GANC: variants seen among roughly 807,000 people sequenced by gnomAD.
The protein encoded by GANC is neutral alpha-glucosidase C.
In GANC, 117 loss-of-function variants were observed where a neutral mutation model predicts 124.2. The observed-to-expected ratio is 0.94, with a 90% confidence interval of 0.81 to 1.10. The LOEUF (loss-of-function observed/expected upper bound fraction) is 1.10. GANC is among the 50% of genes least tolerant of loss of function. The pLI is 0.00. For synonymous variants in GANC, 377 were observed against 376.8 expected (o/e 1.00, Z -0.01); for missense variants, 1,140 against 1,095.0 (o/e 1.04, Z -0.58).
Position 42,287,730 on chromosome 15 carries a change from A to G in GANC, c.241A>G (p.Ile81Val). 2 of 1,613,104 alleles carry G rather than the reference A, an allele frequency of 1.2e-6. No homozygotes were observed. The highest frequency in any genetic ancestry group is 1.7e-4 in the Middle Eastern group (1 of 6,054). ...LAEIYGIEGN[I>V]FRLKINEETP... ...TGAAATTTATGGTATAGAAGGAAAC[A>G]TTTTCAGGCTTAAAATTAATGAAGA... Residue 81 changes from isoleucine (I) to valine (V), a missense_variant, in exon 4 of 24, where the codon ATT (isoleucine) becomes GTT (valine). Ile to Val is a conservative substitution (Grantham distance 29, BLOSUM62 3). Coordinates refer to ENST00000318010, the MANE Select transcript of GANC (RefSeq NM_198141.3).
chr15:42,301,382 C>G (rs1216483474), intron 6 of GANC, among the ~76,000 whole-genome samples: 1 of 152,196 alleles, frequency 6.6e-6, no homozygotes, highest in African/African-American at 2.4e-5. Context: ...AGGAGATTCC[C>G]TCAGGTGCCT....
rs140525443 is a variant in GANC, at chr15:42,307,760, C to A, written c.626-462C>A. ...CCTGGTGCCCTTGACATTTGCATTCCCTGTAGGTAGTCACAGACGAGGCTG... is the reference window on the plus strand; with the variant it reads ...CCTGGTGCCCTTGACATTTGCATTCACTGTAGGTAGTCACAGACGAGGCTG... On this transcript the variant is annotated intron_variant, in intron 7 of 23. Transcript: ENST00000318010. 1.8e-3 allele frequency among the ~76,000 whole-genome samples: 281 copies of A among 152,096 alleles called. 4 individuals carry two copies. Among genetic ancestry groups the A allele is most frequent in the African/African-American group, 6.3e-3 (260 of 41,484 alleles).
chr15:42,319,297 A>C (rs139578628), intron 10 of GANC, among the ~76,000 whole-genome samples: 2 of 152,064 alleles, frequency 1.3e-5, no homozygotes, highest in Non-Finnish European at 2.9e-5. Flanking sequence ...CAGTCAGACA[A>C]ACTCATGATC....
At chr15:42,275,194 C>T (rs2141007386) in intron 1 of GANC, among the ~76,000 whole-genome samples, 1 of 152,136 alleles carries the variant, frequency 6.6e-6, no homozygotes, top group African/African-American at 2.4e-5. Context: ...GGGCAACATG[C>T]TGAATCCCTG....
At chr15:42,325,425 G>A (rs574035657) in intron 11 of GANC, among the ~76,000 whole-genome samples, 1 of 152,340 alleles carries the variant, frequency 6.6e-6, no homozygotes, top group Admixed American at 6.5e-5. Flanking sequence ...ACTGGTGGAA[G>A]TGATGGTATT....
intron 12 of GANC, 106 bp from the exon 13 acceptor site, chr15:42,327,257 G>C: frequency 1.3e-6 from 1 of 773,734 alleles, no homozygotes; most frequent in South Asian, 2.0e-5. Context: ...TCGTGTTTAT[G>C]TAAGGTGCCC....
chr15:42,311,742 C>T (rs4617834), intron 10 of GANC, among the ~76,000 whole-genome samples: 138,323 of 152,040 alleles, frequency 0.91, 64,276 homozygotes, highest in Non-Finnish European at 1. Context: ...AGAAATCCGC[C>T]TCCATGATCC....
In GANC at chr15:42,278,463, G is replaced by T; in HGVS notation, c.93-19G>T. 1 of 1,496,580 alleles carries T rather than the reference G, an allele frequency of 6.7e-7. No homozygotes were observed. Among genetic ancestry groups the T allele is most frequent in the Non-Finnish European group, 9.2e-7 (1 of 1,081,616 alleles). The allele number at this position is 1,496,580 out of a possible 1,614,324, so 92.7% of individuals were successfully genotyped here. A position where few individuals can be genotyped will look rare whatever the true frequency, so the allele number is the denominator to read the frequency against. Reference sequence around the variant, plus strand: ...AATCACAAATAATTATCAAGCATCTGCATACTCCGTATCTATAGGCGTCAG... The same window carrying T: ...AATCACAAATAATTATCAAGCATCTTCATACTCCGTATCTATAGGCGTCAG... On this transcript the variant is annotated intron_variant, in intron 2 of 23. Coordinates refer to ENST00000318010, the MANE Select transcript of GANC (RefSeq NM_198141.3).
intron 4 of GANC, among the ~76,000 whole-genome samples, chr15:42,291,127 A>G (rs372627111): frequency 6.6e-6 from 1 of 152,140 alleles, no homozygotes; most frequent in Admixed American, 6.5e-5. Context: ...GAAGGCTTGC[A>G]TGCCTGAAAA....
chr15:42,296,506 C>T (rs923331176), intron 5 of GANC, among the ~76,000 whole-genome samples: 1 of 152,162 alleles, frequency 6.6e-6, no homozygotes, highest in Non-Finnish European at 1.5e-5. Flanking sequence ...AATTCTCCTG[C>T]CTCAGCCTCC....
chr15:42,313,708 T>C (rs1197361503), intron 10 of GANC: 1 of 203,568 alleles, frequency 4.9e-6, no homozygotes, highest in Non-Finnish European at 9.9e-6. Context: ...GCAGGGCTCC[T>C]GGATAGAACT....
Position 42,310,391 on chromosome 15 carries a change from C to T in GANC, c.831C>T (p.Gly277=), listed in dbSNP as rs1186427153. 1 of 1,613,676 alleles carries T rather than the reference C, an allele frequency of 6.2e-7. No homozygotes were observed. Among genetic ancestry groups the T allele is most frequent in the African/African-American group, 1.3e-5 (1 of 74,868 alleles). The change falls in exon 9 of 24, where the codon GGC becomes GGT. Residue 277 remains glycine (G), a synonymous_variant. Coordinates refer to ENST00000318010, the MANE Select transcript of GANC (RefSeq NM_198141.3). ...SVPYLLAHKL[G]RTIGIFWLNA... is the part of the protein sequence containing the mutation. Reference sequence around the variant, plus strand: ...CTTATCTCCTGGCCCACAAACTGGGCAGAACTATAGGTATTTTCTGGCTGA... The same window carrying T: ...CTTATCTCCTGGCCCACAAACTGGGTAGAACTATAGGTATTTTCTGGCTGA...
intron 3 of GANC, chr15:42,283,724 G>A: frequency 4.3e-6 from 3 of 702,546 alleles, no homozygotes; most frequent in Non-Finnish European, 7.8e-6. Context: ...TAAGCCTAAT[G>A]AAAATGAAGC....
intron 10 of GANC, among the ~76,000 whole-genome samples, 156 bp downstream of exon 10, chr15:42,311,002 A>C (rs759874785): frequency 1.6e-4 from 24 of 152,348 alleles, no homozygotes; most frequent in South Asian, 4.1e-4. Context: ...TCCTCATCCC[A>C]TTCAGTTCAG....
At chr15:42,338,857 C>G (rs2052304528) in intron 16 of GANC, among the ~76,000 whole-genome samples, 1 of 152,122 alleles carries the variant, frequency 6.6e-6, no homozygotes, top group Non-Finnish European at 1.5e-5. Context: ...AGAAAGTCAG[C>G]CTTACAGAAA....
At chr15:42,316,269 A>G (rs2052100541) in intron 10 of GANC, among the ~76,000 whole-genome samples, 1 of 152,194 alleles carries the variant, frequency 6.6e-6, no homozygotes, top group Non-Finnish European at 1.5e-5. Context: ...AAGACACAAG[A>G]CAAAGAGATA....
chr15:42,277,491 T>C (rs2051683162), intron 2 of GANC, among the ~76,000 whole-genome samples: 2 of 150,980 alleles, frequency 1.3e-5, no homozygotes, highest in Admixed American at 1.3e-4. Flanking sequence ...GATTGTGCCA[T>C]TGCACTCCAG....
chr15:42,323,963 G>A (rs1040459920), intron 11 of GANC, among the ~76,000 whole-genome samples: 2 of 152,150 alleles, frequency 1.3e-5, no homozygotes, highest in Non-Finnish European at 1.5e-5. Flanking sequence ...TCTAATAGTG[G>A]AGGATCTGAC....
Position 42,314,397 on chromosome 15 carries a change from A to G in GANC, c.1057+3551A>G, listed in dbSNP as rs1275150997. The stretch of plus-strand genomic sequence containing the variant: ...TTCTACCAGCACCTTTTGATGAATA[A>G]TTTGAATCCAGCTTTGTGCGTATAG... On this transcript the variant is annotated intron_variant, in intron 10 of 23. Transcript: ENST00000318010. The G allele has an allele frequency of 1.4e-5, 6 of 437,944 alleles. No individual in the cohort carries two copies. The Admixed American group carries it at 2.0e-4, about 14-fold the overall frequency. The allele number at this position is 437,944 out of a possible 1,614,324, so 27.1% of individuals were successfully genotyped here. A position where few individuals can be genotyped will look rare whatever the true frequency, so the allele number is the denominator to read the frequency against.
Sources: gnomAD v4.1 joint callset for allele counts (sites outside exome capture counted in the v4.1 genomes callset) on GRCh38, gnomAD v4.1.1 for gene constraint, MANE v1.5 for transcripts, NCBI Gene and HGNC (gene_info 2026-07-23, HGNC 2026-07-21) for gene names.